TAFA4: variants seen among roughly 807,000 people sequenced by gnomAD.
TAFA4 encodes chemokine-like protein TAFA-4.
In TAFA4, 20 loss-of-function variants were observed where a neutral mutation model predicts 21.1. The observed-to-expected ratio is 0.95, with a 90% CI of 0.67 to 1.38. The LOEUF is 1.38. Ranked by LOEUF, TAFA4 falls within the 40% of genes most tolerant of loss-of-function variation. The pLI is 0.00. For missense variants in TAFA4, 211 were observed against 180.9 expected (o/e 1.17, Z -0.95); for synonymous variants, 71 against 67.4 (o/e 1.05, Z -0.26).
intron 1 of TAFA4, among the ~76,000 whole-genome samples, chr3:68,918,453 A>G (rs891534659): frequency 3.3e-5 from 5 of 152,210 alleles, no homozygotes; most frequent in African/African-American, 4.8e-5. Flanking sequence ...ATGTCTTTCA[A>G]GAAACGAAAA....
chr3:68,825,003 T>G (rs561014715), intron 3 of TAFA4, among the ~76,000 whole-genome samples: 1 of 152,344 alleles, frequency 6.6e-6, no homozygotes, highest in Admixed American at 6.5e-5. Flanking sequence ...CTGGGGTACA[T>G]GTACAGGATA....
At chr3:68,745,598 T>C (rs1702443416) in intron 4 of TAFA4, among the ~76,000 whole-genome samples, 1 of 152,212 alleles carries the variant, frequency 6.6e-6, no homozygotes, top group Non-Finnish European at 1.5e-5. Context: ...TATAATGCTG[T>C]TGTCGAGGTG....
At chr3:68,822,507 G>A (rs777859637) in intron 3 of TAFA4, among the ~76,000 whole-genome samples, 1 of 152,062 alleles carries the variant, frequency 6.6e-6, no homozygotes, top group Non-Finnish European at 1.5e-5. Flanking sequence ...GTCACACTTT[G>A]TCACCCAGGC....
chr3:68,815,392 G>A (rs1237699875), intron 3 of TAFA4, among the ~76,000 whole-genome samples: 4 of 151,932 alleles, frequency 2.6e-5, no homozygotes, highest in African/African-American at 9.7e-5. Flanking sequence ...CAGAATGGGA[G>A]AAAATTTTTG....
At chr3:68,858,530 T>G (rs1705124011) in intron 3 of TAFA4, among the ~76,000 whole-genome samples, 2 of 151,812 alleles carry the variant, frequency 1.3e-5, no homozygotes, top group Non-Finnish European at 1.5e-5. Context: ...CAACCGAATA[T>G]AAAAATATTT....
At chr3:68,787,649 CAAGCAGCAACACTTGCAAATAAAATT>C in intron 3 of TAFA4, among the ~76,000 whole-genome samples, 1 of 152,240 alleles carries the variant, frequency 6.6e-6, no homozygotes, top group African/African-American at 2.4e-5. Context: ...ATCTACACCA[CAAGCAGCAACACTTGCAAATAAAATT>C]ATTTTATCCT....
intron 4 of TAFA4, among the ~76,000 whole-genome samples, chr3:68,746,768 C>G (rs1702466316): frequency 6.6e-6 from 1 of 152,186 alleles, no homozygotes; most frequent in Non-Finnish European, 1.5e-5. Context: ...TACACATACA[C>G]TGATCTTTTG....
intron 3 of TAFA4, among the ~76,000 whole-genome samples, chr3:68,757,740 T>G (rs1702684076): frequency 6.6e-6 from 1 of 152,216 alleles, no homozygotes; most frequent in Non-Finnish European, 1.5e-5. Context: ...AACTCTTGTA[T>G]TTCACTGATT....
chr3:68,759,659 T>C (rs1702725561), intron 3 of TAFA4, among the ~76,000 whole-genome samples: 1 of 152,128 alleles, frequency 6.6e-6, no homozygotes, highest in African/African-American at 2.4e-5. Context: ...GAACATAACA[T>C]GAGGCCCCTG....
Position 68,754,784 on chromosome 3 carries a change from A to G in TAFA4, c.131-1766T>C, listed in dbSNP as rs1406616160. On this transcript the variant is annotated intron_variant, in intron 3 of 5. Transcript: ENST00000295569. ...CAATTATCAATATGATAGTTGTAAA[A>G]CTGATTCTATGTTAATGTTCAAATC... is the stretch of plus-strand genomic sequence containing the variant. Among the ~76,000 whole-genome samples the G allele has an allele frequency of 2.6e-5, 4 of 152,306 alleles. No homozygotes were observed. The East Asian group carries it at 7.7e-4, about 29-fold the overall frequency.
intron 1 of TAFA4, among the ~76,000 whole-genome samples, chr3:68,919,840 G>C (rs943322610): frequency 1.2e-4 from 19 of 152,152 alleles, no homozygotes; most frequent in Non-Finnish European, 2.1e-4. Context: ...AATGATAAGA[G>C]ACTTTCTGCA....
intron 3 of TAFA4, among the ~76,000 whole-genome samples, chr3:68,831,600 C>A (rs999533866): frequency 6.6e-6 from 1 of 152,182 alleles, no homozygotes; most frequent in South Asian, 2.1e-4. Flanking sequence ...ACCTTTCTCT[C>A]TGGCTGCCCT....
chr3:68,743,845 C>G (rs939390213), intron 4 of TAFA4, among the ~76,000 whole-genome samples: 2 of 152,120 alleles, frequency 1.3e-5, no homozygotes, highest in African/African-American at 4.8e-5. Context: ...AGTCTTTCTA[C>G]TGTAACACAA....
intron 3 of TAFA4, among the ~76,000 whole-genome samples, chr3:68,837,729 G>C (rs948294567): frequency 6.6e-6 from 1 of 152,034 alleles, no homozygotes; most frequent in African/African-American, 2.4e-5. Context: ...TGGGACAAAG[G>C]TTAAGAAATA....
At position 68,791,633 on chromosome 3, in the gene TAFA4, G is replaced by A. The variant is rs916848314; in HGVS notation, c.131-38615C>T. On this transcript the variant is annotated intron_variant, in intron 3 of 5. Coordinates refer to ENST00000295569, the MANE Select transcript of TAFA4 (RefSeq NM_182522.5). ...CATCACTTAAAGACAAAGAAAATAA[G>A]AAAATAAATGACTTTGTTTCTGTCA... Among the ~76,000 whole-genome samples, 13 of 152,132 alleles carry A rather than the reference G, an allele frequency of 8.5e-5. No homozygotes were observed. In the East Asian group the frequency reaches 2.3e-3, roughly 27 times the overall value.
intron 3 of TAFA4, among the ~76,000 whole-genome samples, chr3:68,805,765 T>C (rs984364150): frequency 7.1e-6 from 1 of 141,772 alleles, no homozygotes; most frequent in Non-Finnish European, 1.5e-5. Context: ...TGAGAACACA[T>C]GGACACAGGA....
intron 3 of TAFA4, among the ~76,000 whole-genome samples, chr3:68,846,248 C>T (rs551251945): frequency 1.3e-5 from 2 of 151,942 alleles, no homozygotes; most frequent in Admixed American, 6.6e-5. Flanking sequence ...TGTCTTCATG[C>T]TCTATTTCAT....
chr3:68,770,950 C>T (rs967424553), intron 3 of TAFA4, among the ~76,000 whole-genome samples: 2 of 152,152 alleles, frequency 1.3e-5, no homozygotes, highest in East Asian at 3.9e-4. Flanking sequence ...CACACACAAG[C>T]GGCTGGACAT....
chr3:68,873,917 C>T (rs2089517632), intron 3 of TAFA4, among the ~76,000 whole-genome samples: 2 of 152,136 alleles, frequency 1.3e-5, no homozygotes, highest in South Asian at 4.1e-4. Context: ...CAGCCCTTTC[C>T]CAGGTAGCTG....
Sources: allele counts gnomAD v4.1 joint callset (sites outside exome capture counted in the v4.1 genomes callset), GRCh38; gene constraint gnomAD v4.1.1; transcripts MANE v1.5; gene names NCBI Gene and HGNC (gene_info 2026-07-23, HGNC 2026-07-21).